NTM: variants seen among roughly 807,000 people sequenced by gnomAD.
NTM encodes IgLON family member 2.
In NTM, 13 loss-of-function variants were observed where a neutral mutation model predicts 42.1. The observed-to-expected ratio is 0.31, with a 90% CI of 0.20 to 0.49. The LOEUF (loss-of-function observed/expected upper bound fraction) is 0.49. NTM is among the 20% of genes least tolerant of loss of function. NTM has a pLI of 0.99. For synonymous variants in NTM, 187 were observed against 179.2 expected (o/e 1.04, Z -0.35); for missense variants, 373 against 452.8 (o/e 0.82, Z 1.60).
At chr11:131,575,191 A>C (rs2057812448) in intron 1 of NTM, among the ~76,000 whole-genome samples, 1 of 105,410 alleles carries the variant, frequency 9.5e-6, no homozygotes, top group African/African-American at 3.2e-5. Flanking sequence ...TTCAGCATAC[A>C]AAGGCTCTGA....
intron 1 of NTM, among the ~76,000 whole-genome samples, chr11:131,401,804 A>ATATATATATATATATATATATATGTG (rs1431941421): frequency 1.4e-3 from 5 of 3,670 alleles, no homozygotes; most frequent in African/African-American, 3.3e-3. Context: ...CTGGAAATAT[A>ATATATATATATATATATATATATGTG]TATATATATA....
chr11:131,419,391 G>A (rs1947279315), intron 1 of NTM, among the ~76,000 whole-genome samples: 1 of 152,200 alleles, frequency 6.6e-6, no homozygotes, highest in African/African-American at 2.4e-5. Context: ...GAATAAGACA[G>A]GGGTAGAGGG....
chr11:131,408,242 C>T (rs949270357), intron 1 of NTM, among the ~76,000 whole-genome samples: 6 of 152,184 alleles, frequency 3.9e-5, no homozygotes, highest in Non-Finnish European at 5.9e-5. Context: ...CGCCTGTCTT[C>T]TCTTGCTCAC....
intron 1 of NTM, among the ~76,000 whole-genome samples, chr11:131,619,126 T>C (rs1270503050): frequency 6.6e-6 from 1 of 152,134 alleles, no homozygotes; most frequent in African/African-American, 2.4e-5. Context: ...GCAGTAGCAC[T>C]CCACAGCGAA....
intron 2 of NTM, among the ~76,000 whole-genome samples, chr11:132,047,094 T>C (rs902042818): frequency 6.6e-6 from 1 of 152,244 alleles, no homozygotes; most frequent in Non-Finnish European, 1.5e-5. Context: ...GATTGGAATG[T>C]AGGTCTGTCT....
Position 131,410,707 on chromosome 11 carries a change from A to G in NTM, c.82+39819A>G, listed in dbSNP as rs140371956. The stretch of plus-strand genomic sequence containing the variant: ...TTGTAAACAAATTGGTATTTTCTTT[A>G]TTTCTGATTACGGCCTTTGCTTTAG... On this transcript the variant is annotated intron_variant, in intron 1 of 8. Coordinates refer to ENST00000683400, the MANE Select transcript of NTM (RefSeq NM_001352005.2). Among the ~76,000 whole-genome samples, 634 of 152,114 alleles carry G rather than the reference A, an allele frequency of 4.2e-3. 5 individuals carry two copies. The highest frequency in any genetic ancestry group is 0.013 in the African/African-American group (550 of 41,494).
intron 2 of NTM, among the ~76,000 whole-genome samples, chr11:131,983,164 T>C (rs903349019): frequency 3.5e-4 from 54 of 152,260 alleles, no homozygotes; most frequent in African/African-American, 1.2e-3. Context: ...TGGTTTATCT[T>C]GACCTCAGTA....
At chr11:132,326,660 G>A (rs2095689725) in intron 7 of NTM, among the ~76,000 whole-genome samples, 1 of 152,160 alleles carries the variant, frequency 6.6e-6, no homozygotes. Context: ...GAAGAAGACT[G>A]TGGATATCTA....
At chr11:132,186,663 G>T (rs1363349504) in intron 3 of NTM, among the ~76,000 whole-genome samples, 1 of 151,968 alleles carries the variant, frequency 6.6e-6, no homozygotes, top group Non-Finnish European at 1.5e-5. Context: ...TTTCTTTAAC[G>T]ATATGTAAAT....
chr11:131,514,569 GATTT>G (rs890335902), intron 1 of NTM, among the ~76,000 whole-genome samples: 55 of 152,068 alleles, frequency 3.6e-4, no homozygotes, highest in Admixed American at 2.6e-3. Flanking sequence ...TTTGTTTTGT[GATTT>G]ATTTATTTAT....
intron 1 of NTM, among the ~76,000 whole-genome samples, chr11:131,699,909 GGTGTGTGTGTGTGTGTGTGTGTGT>G (rs10577927): frequency 3.1e-4 from 40 of 130,556 alleles, no homozygotes; most frequent in South Asian, 1.4e-3. Context: ...CAAAGCAGCA[GGTGTGTGTGTGTGTGTGTGTGTGT>G]GTGTGTGTGT....
intron 1 of NTM, among the ~76,000 whole-genome samples, chr11:131,844,500 C>A (rs2044678027): frequency 6.6e-6 from 1 of 152,296 alleles, no homozygotes; most frequent in African/African-American, 2.4e-5. Flanking sequence ...TACCACACAA[C>A]ATTCTCTTGA....
chr11:132,009,068 G>C (rs1208520591), intron 2 of NTM, among the ~76,000 whole-genome samples: 6 of 152,146 alleles, frequency 3.9e-5, no homozygotes, highest in Non-Finnish European at 7.3e-5. Context: ...TCTGCTTCCC[G>C]CTGACTGATG....
At chr11:132,297,774 G>A (rs1004141183) in intron 4 of NTM, among the ~76,000 whole-genome samples, 1 of 152,138 alleles carries the variant, frequency 6.6e-6, no homozygotes, top group African/African-American at 2.4e-5. Context: ...ATGATCCAGA[G>A]GATCATAGCA....
chr11:132,175,949 C>G (rs965954419), intron 3 of NTM, among the ~76,000 whole-genome samples: 3 of 152,036 alleles, frequency 2.0e-5, no homozygotes, highest in Non-Finnish European at 4.4e-5. Context: ...TATGTCTGTT[C>G]TCTTTTCTCT....
chr11:131,567,576 G>A (rs1489217798), intron 1 of NTM, among the ~76,000 whole-genome samples: 1 of 152,212 alleles, frequency 6.6e-6, no homozygotes, highest in East Asian at 1.9e-4. Flanking sequence ...CCTATTGGAA[G>A]CATTGCTGCT....
intron 2 of NTM, among the ~76,000 whole-genome samples, chr11:132,094,187 G>A (rs2060690609): frequency 6.6e-6 from 1 of 152,184 alleles, no homozygotes; most frequent in African/African-American, 2.4e-5. Flanking sequence ...AATGCACAGA[G>A]AAATCTTTAG....
intron 1 of NTM, among the ~76,000 whole-genome samples, chr11:131,679,454 A>T (rs954991202): frequency 6.6e-6 from 1 of 152,042 alleles, no homozygotes; most frequent in Non-Finnish European, 1.5e-5. Flanking sequence ...TCCAAAGCCA[A>T]GTCTGGGCTC....
intron 2 of NTM, among the ~76,000 whole-genome samples, chr11:132,060,131 A>C (rs1005093314): frequency 4.6e-5 from 7 of 152,228 alleles, no homozygotes; most frequent in Admixed American, 4.6e-4. Context: ...TCTTCAGGCC[A>C]AAACCCAGGC....
Sources: gnomAD v4.1 joint callset for allele counts (sites outside exome capture counted in the v4.1 genomes callset) on GRCh38, gnomAD v4.1.1 for gene constraint, MANE v1.5 for transcripts, NCBI Gene and HGNC (gene_info 2026-07-23, HGNC 2026-07-21) for gene names.